DGKI: variants seen among roughly 807,000 people sequenced by gnomAD.
DGKI encodes DAG kinase iota.
A neutral mutation model predicts 147.5 loss-of-function variants in DGKI; 55 were observed. The ratio of observed to expected loss-of-function variants is 0.37; its 90% CI spans 0.30 to 0.47. The LOEUF (loss-of-function observed/expected upper bound fraction) is 0.47, where lower values mean the gene tolerates loss of function less well. Among genes scored for constraint, DGKI ranks in the 20% least tolerant of loss-of-function variants. The pLI is 1.00. For synonymous variants in DGKI, 469 were observed against 477.1 expected, an observed-to-expected ratio of 0.98 and a Z score of 0.22; for missense variants, 1,007 against 1,323.8, an observed-to-expected ratio of 0.76 and a Z score of 3.71.
intron 31 of DGKI, 116 bp from the exon 32 acceptor site, chr7:137,395,813 C>T (rs1811528850): frequency 1.2e-6 from 1 of 868,870 alleles, no homozygotes; most frequent in Non-Finnish European, 1.8e-6. Flanking sequence ...GCTGCTGAGA[C>T]TTTGGCTGTA....
chr7:137,400,688 G>T (rs537127864), intron 30 of DGKI, among the ~76,000 whole-genome samples: 1 of 152,280 alleles, frequency 6.6e-6, no homozygotes, highest in East Asian at 1.9e-4. Context: ...CTCTGCAGCT[G>T]ACAGAGGTGA....
chr7:137,790,942 G>C (rs1268786366), intron 1 of DGKI, among the ~76,000 whole-genome samples: 1 of 152,184 alleles, frequency 6.6e-6, no homozygotes, highest in African/African-American at 2.4e-5. Context: ...CTCTCAGAGA[G>C]GCACCACTGG....
intron 12 of DGKI, among the ~76,000 whole-genome samples, chr7:137,596,001 CAAAAAAAAAAAAAAAA>C (rs71177914): frequency 3.4e-4 from 15 of 44,404 alleles, no homozygotes; most frequent in Admixed American, 2.6e-3. Flanking sequence ...GACTCCGTCT[CAAAAAAAAAAAAAAAA>C]AAAAAAAAAA....
intron 6 of DGKI, among the ~76,000 whole-genome samples, chr7:137,638,478 GTATATA>G (rs1160099687): frequency 1.1e-5 from 1 of 87,928 alleles, no homozygotes; most frequent in Non-Finnish European, 1.9e-5. Context: ...ATATATGTGT[GTATATA>G]TATACACACA....
At chr7:137,623,746 T>C (rs748868425) in intron 6 of DGKI, among the ~76,000 whole-genome samples, 192 bp from the exon 7 acceptor site, 3 of 152,182 alleles carry the variant, frequency 2.0e-5, no homozygotes, top group Non-Finnish European at 4.4e-5. Context: ...GATTTTCTAA[T>C]CCTGAAGCAT....
chr7:137,648,583 T>C (rs1442687193), intron 5 of DGKI, among the ~76,000 whole-genome samples: 1 of 152,214 alleles, frequency 6.6e-6, no homozygotes, highest in African/African-American at 2.4e-5. Flanking sequence ...GGGCAGGTAG[T>C]GGATATGCTG....
chr7:137,459,807 T>A (rs540304350), intron 27 of DGKI, among the ~76,000 whole-genome samples: 1 of 152,238 alleles, frequency 6.6e-6, no homozygotes, highest in Admixed American at 6.5e-5. Context: ...ATCTGTCTGT[T>A]TTATTCTCCT....
chr7:137,679,380 A>G (rs747553339), intron 2 of DGKI, among the ~76,000 whole-genome samples: 4 of 150,318 alleles, frequency 2.7e-5, no homozygotes. Flanking sequence ...GTAGTGCGGT[A>G]TTGGGGAAAG....
chr7:137,601,203 G>A (rs942971949), intron 10 of DGKI, among the ~76,000 whole-genome samples: 2 of 152,036 alleles, frequency 1.3e-5, no homozygotes, highest in African/African-American at 2.4e-5. Context: ...CCCAGGAGGC[G>A]GAGCTTGCAG....
At chr7:137,672,679 G>A (rs565174373) in intron 3 of DGKI, among the ~76,000 whole-genome samples, 129 of 151,648 alleles carry the variant, frequency 8.5e-4, no homozygotes, top group East Asian at 2.9e-3. Context: ...CACGATCCTC[G>A]GAGGGCCTTG....
At chr7:137,410,447 G>C (rs556061682) in intron 29 of DGKI, among the ~76,000 whole-genome samples, 14 of 152,304 alleles carry the variant, frequency 9.2e-5, no homozygotes, top group African/African-American at 3.1e-4. Context: ...TCATGTTTTA[G>C]TCATTTAGGA....
At chr7:137,654,586 T>C in intron 5 of DGKI, 146 bp downstream of exon 5, 2 of 668,420 alleles carry the variant, frequency 3.0e-6, no homozygotes, top group Non-Finnish European at 5.3e-6. Context: ...ATTTTATTGA[T>C]TGTGCTTATT....
chr7:137,421,709 C>T (rs965464580), intron 28 of DGKI, among the ~76,000 whole-genome samples: 9 of 152,244 alleles, frequency 5.9e-5, no homozygotes, highest in Non-Finnish European at 1.2e-4. Flanking sequence ...AGTTCCACTT[C>T]TGCGATTAAG....
chr7:137,492,084 T>A (rs985280197), intron 21 of DGKI, among the ~76,000 whole-genome samples: 1 of 152,352 alleles, frequency 6.6e-6, no homozygotes, highest in Admixed American at 6.5e-5. Context: ...AAGACAGCAC[T>A]GATTCATCAT....
chr7:137,681,997 T>C (rs1234089966), intron 2 of DGKI, among the ~76,000 whole-genome samples: 1 of 152,232 alleles, frequency 6.6e-6, no homozygotes, highest in African/African-American at 2.4e-5. Context: ...CTCTATGCCA[T>C]GTATATTATA....
chr7:137,548,853 C>T (rs1406943785), intron 20 of DGKI, among the ~76,000 whole-genome samples: 1 of 151,996 alleles, frequency 6.6e-6, no homozygotes, highest in South Asian at 2.1e-4. Flanking sequence ...CCCAGCTACT[C>T]GTGAAGCTGA....
At chr7:137,415,956 C>T (rs894915613) in intron 28 of DGKI, among the ~76,000 whole-genome samples, 9 of 152,050 alleles carry the variant, frequency 5.9e-5, no homozygotes, top group African/African-American at 2.2e-4. Context: ...TGCCACTGCA[C>T]TCCAGCCTGA....
Position 137,391,174 on chromosome 7 carries a change from C to T in DGKI, c.*46G>A, listed in dbSNP as rs753877246. On this transcript the variant is annotated 3_prime_UTR_variant, in exon 33 of 33. Transcript: ENST00000614521. ...GGGAGCTGCCCAATTGCAGGGAGGG[C>T]AGATGTGATACGCTTGCTCATGTCC... The T allele has an allele frequency of 2.1e-6, 3 of 1,407,398 alleles. No homozygotes were observed. Among genetic ancestry groups the T allele is most frequent in the Non-Finnish European group, 3.0e-6 (3 of 992,806 alleles). The allele number at this position is 1,407,398 out of a possible 1,614,324, so 87.2% of individuals were successfully genotyped here.
intron 23 of DGKI, among the ~76,000 whole-genome samples, chr7:137,484,634 T>C (rs1400082163): frequency 6.6e-6 from 1 of 151,942 alleles, no homozygotes; most frequent in South Asian, 2.1e-4. Flanking sequence ...ATCTAATGCA[T>C]AAGAGGATGG....
Sources: allele counts gnomAD v4.1 joint callset (sites outside exome capture counted in the v4.1 genomes callset), GRCh38; gene constraint gnomAD v4.1.1; transcripts MANE v1.5; gene names NCBI Gene and HGNC (gene_info 2026-07-23, HGNC 2026-07-21).